Variants in BIRC6 observed in about 807,000 individuals in gnomAD.
BIRC6 encodes dual E2 ubiquitin-conjugating enzyme/E3 ubiquitin-protein ligase BIRC6.
In BIRC6, 98 loss-of-function variants were observed where a neutral mutation model predicts 503.3. That is an observed-to-expected ratio of 0.19 (90% CI 0.17 to 0.23). The LOEUF (loss-of-function observed/expected upper bound fraction) is 0.23, where lower values mean the gene tolerates loss of function less well. BIRC6 is among the 10% of genes least tolerant of loss of function. The pLI is 1.00. For synonymous variants in BIRC6, 2,240 were observed against 2,078.7 expected (o/e 1.08, Z -2.11); for missense variants, 5,360 against 5,806.0 (o/e 0.92, Z 2.50).
chr2:32,375,342 G>A (rs1174695845), intron 1 of BIRC6, among the ~76,000 whole-genome samples: 1 of 152,056 alleles, frequency 6.6e-6, no homozygotes, highest in Non-Finnish European at 1.5e-5. Flanking sequence ...ATCTGTATGG[G>A]AAAGTATTCA....
chr2:32,435,551 A>G lies in BIRC6; in HGVS notation c.3465A>G (p.Glu1155=). ...AACCGTCCCTGGTTGATTTGAATGA[A>G]GAAATGCAGCACATGGATGTAGAGG... ...NGKPSLVDLN[E]EMQHMDVEES... Residue 1155 remains glutamate, a synonymous_variant, in exon 14 of 74, where the codon GAA becomes GAG. Coordinates refer to ENST00000421745, the MANE Select transcript of BIRC6 (RefSeq NM_016252.4). 1.9e-6 allele frequency: 3 copies of G among 1,555,356 alleles called. No homozygotes were observed. The highest frequency in any genetic ancestry group is 8.7e-7 in the Non-Finnish European group (1 of 1,148,298).
intron 1 of BIRC6, among the ~76,000 whole-genome samples, chr2:32,375,578 T>C (rs1444411773): frequency 6.6e-6 from 1 of 151,224 alleles, no homozygotes; most frequent in Non-Finnish European, 1.5e-5. Flanking sequence ...TGAGCCACCA[T>C]GCCAGGCCGA....
intron 66 of BIRC6, among the ~76,000 whole-genome samples, chr2:32,581,118 G>A (rs145308337): frequency 1.8e-4 from 28 of 152,248 alleles, no homozygotes; most frequent in African/African-American, 6.0e-4. Flanking sequence ...AAGCTAAGTC[G>A]TTAAGTCAAA....
At chr2:32,479,817 C>T (rs916622489) in intron 37 of BIRC6, among the ~76,000 whole-genome samples, 200 bp downstream of exon 37, 3 of 151,976 alleles carry the variant, frequency 2.0e-5, no homozygotes, top group Admixed American at 6.6e-5. Flanking sequence ...TTCATAATAT[C>T]CTAATTATGT....
intron 1 of BIRC6, among the ~76,000 whole-genome samples, chr2:32,362,024 G>A (rs1322197140): frequency 6.6e-6 from 1 of 152,190 alleles, no homozygotes; most frequent in Non-Finnish European, 1.5e-5. Context: ...GTAGACATAA[G>A]TTTTCAAATC....
rs774272834 is a variant in BIRC6, at chr2:32,468,845, G to A, written c.6127+62G>A. The A allele has an allele frequency of 4.6e-5, 57 of 1,249,458 alleles. No homozygotes were observed. In the Middle Eastern group the frequency reaches 1.1e-3, roughly 23 times the overall value. 77.4% of individuals were successfully genotyped at this position (1,249,458 alleles called of 1,614,324 possible). A position where few individuals can be genotyped will look rare whatever the true frequency, so the allele number is the denominator to read the frequency against. ...TATACTTGATGTGATTTCGCTGCAT[G>A]TTTTAGGATCTGTGTCAATATTTTC... On this transcript the variant is annotated intron_variant, in intron 29 of 73. Transcript: ENST00000421745.
intron 6 of BIRC6, among the ~76,000 whole-genome samples, chr2:32,398,297 A>G (rs925479473): frequency 2.0e-5 from 3 of 152,222 alleles, no homozygotes; most frequent in Non-Finnish European, 4.4e-5. Flanking sequence ...TTAAATGCCA[A>G]TCAGGAGGGG....
At chr2:32,399,479 T>C (rs974600927) in intron 6 of BIRC6, among the ~76,000 whole-genome samples, 1 of 152,200 alleles carries the variant, frequency 6.6e-6, no homozygotes, top group African/African-American at 2.4e-5. Context: ...TGCAGCCTCA[T>C]ATTCTTGGGC....
At chr2:32,553,977 G>C (rs768873928) in intron 65 of BIRC6, among the ~76,000 whole-genome samples, 1 of 151,852 alleles carries the variant, frequency 6.6e-6, no homozygotes, top group Admixed American at 6.6e-5. Flanking sequence ...TGAAAGTTGC[G>C]TTTTGTAGGC....
At chr2:32,600,227 A>G (rs1482674417) in intron 70 of BIRC6, among the ~76,000 whole-genome samples, 8 of 152,256 alleles carry the variant, frequency 5.3e-5, no homozygotes, top group African/African-American at 1.9e-4. Context: ...AAGTAGGAAG[A>G]TGCATTTCCA....
At chr2:32,596,133 A>C (rs2061657264) in intron 68 of BIRC6, among the ~76,000 whole-genome samples, 1 of 152,162 alleles carries the variant, frequency 6.6e-6, no homozygotes, top group Non-Finnish European at 1.5e-5. Context: ...TTATTTTATC[A>C]AATAGTTCTA....
chr2:32,589,091 A>T (rs2061243898), intron 66 of BIRC6, among the ~76,000 whole-genome samples: 1 of 152,164 alleles, frequency 6.6e-6, no homozygotes, highest in Non-Finnish European at 1.5e-5. Flanking sequence ...TCCAATAAGC[A>T]AAAATCGTAT....
At chr2:32,395,821 T>C (rs1246606772) in intron 6 of BIRC6, among the ~76,000 whole-genome samples, 1 of 152,182 alleles carries the variant, frequency 6.6e-6, no homozygotes, top group African/African-American at 2.4e-5. Context: ...TACCAAACAG[T>C]AGAACCACGC....
intron 57 of BIRC6, among the ~76,000 whole-genome samples, chr2:32,524,010 C>G (rs2056020249): frequency 6.7e-6 from 1 of 150,052 alleles, no homozygotes; most frequent in Non-Finnish European, 1.5e-5. Flanking sequence ...CACCACTGCA[C>G]TCCAGCCTGG....
chr2:32,588,183 A>G (rs1216549521), intron 66 of BIRC6, among the ~76,000 whole-genome samples: 2 of 152,062 alleles, frequency 1.3e-5, no homozygotes, highest in Admixed American at 6.6e-5. Flanking sequence ...GTGAAACCCC[A>G]TCTCTACTAA....
rs35839092 is a variant in BIRC6, at chr2:32,497,860, A to T, written c.8469-1687A>T. Among the ~76,000 whole-genome samples the T allele has an allele frequency of 6.0e-3, 921 of 152,254 alleles. 10 individuals are homozygous for T. Among genetic ancestry groups the T allele is most frequent in the Middle Eastern group, 0.017 (5 of 294 alleles). ...TCTTTTCTAATACAAGCATTTGACAAAGTCAGAATTGGTCTATATAGACTA... is the reference window on the plus strand; with the variant it reads ...TCTTTTCTAATACAAGCATTTGACATAGTCAGAATTGGTCTATATAGACTA... On this transcript the variant is annotated intron_variant, in intron 45 of 73. Coordinates refer to ENST00000421745, the MANE Select transcript of BIRC6 (RefSeq NM_016252.4).
rs766224971 is a variant in BIRC6 at position 32,448,808 on chromosome 2, A to G, written c.4498A>G (p.Ser1500Gly). The G allele has an allele frequency of 3.1e-6, 5 of 1,609,394 alleles. No individual in the cohort carries two copies. The South Asian group carries it at 5.6e-5, about 18-fold the overall frequency. The change falls in exon 22 of 74, where the codon AGC becomes GGC. Residue 1500 changes from serine to glycine, a missense_variant. Coordinates refer to ENST00000421745, the MANE Select transcript of BIRC6 (RefSeq NM_016252.4). ...TTTATTTTTCAGATATGGATTATATAGCTCACCATTTGATCCAGTCCTCTT... is the reference window on the plus strand; with the variant it reads ...TTTATTTTTCAGATATGGATTATATGGCTCACCATTTGATCCAGTCCTCTT... ...ALLQTRYGLY[S>G]SPFDPVLFDL...
chr2:32,507,436 GAAAAC>G (rs931193541), intron 50 of BIRC6, among the ~76,000 whole-genome samples: 4 of 151,742 alleles, frequency 2.6e-5, no homozygotes, highest in Admixed American at 1.3e-4. Context: ...TCTATCTCAG[GAAAAC>G]AAAACAAAAC....
intron 50 of BIRC6, among the ~76,000 whole-genome samples, chr2:32,505,667 A>G (rs1450197349): frequency 3.3e-5 from 5 of 152,184 alleles, no homozygotes; most frequent in Admixed American, 1.3e-4. Context: ...GTGTGATTTT[A>G]AGATTCATAC....
Sources: allele counts gnomAD v4.1 joint callset (sites outside exome capture counted in the v4.1 genomes callset), GRCh38; gene constraint gnomAD v4.1.1; transcripts MANE v1.5; gene names NCBI Gene and HGNC (gene_info 2026-07-23, HGNC 2026-07-21).